Variants in UNC79 observed in about 807,000 individuals in gnomAD.
The protein encoded by UNC79 is unc-79 subunit of NALCN channel complex, also known as protein unc-79 homolog.
UNC79 carries 37 observed loss-of-function variants against 283.1 expected under a neutral mutation model. The observed-to-expected ratio is 0.13, with a 90% CI of 0.10 to 0.17. The LOEUF is 0.17. Ranked by LOEUF, UNC79 falls within the 10% of genes least tolerant of loss-of-function variation. UNC79 has a pLI of 1.00. For missense variants in UNC79, 2,272 were observed against 3,211.1 expected (o/e 0.71, Z 7.07); for synonymous variants, 1,107 against 1,200.2 (o/e 0.92, Z 1.61).
intron 1 of UNC79, among the ~76,000 whole-genome samples, chr14:93,340,849 G>A (rs2053693552): frequency 6.6e-6 from 1 of 152,240 alleles, no homozygotes; most frequent in Admixed American, 6.5e-5. Context: ...TGTGATTACA[G>A]GTGTGAGCCA....
chr14:93,358,334 C>T (rs748554024), intron 1 of UNC79, among the ~76,000 whole-genome samples: 7 of 152,150 alleles, frequency 4.6e-5, no homozygotes, highest in Non-Finnish European at 1.0e-4. Flanking sequence ...CCTAAGTTCA[C>T]TGGACAAAGT....
intron 1 of UNC79, among the ~76,000 whole-genome samples, chr14:93,446,254 T>G (rs1160390078): frequency 6.6e-6 from 1 of 152,224 alleles, no homozygotes; most frequent in Non-Finnish European, 1.5e-5. Flanking sequence ...TACAGGCACT[T>G]GAAAGCCGTG....
chr14:93,380,846 A>G (rs1218766978), intron 1 of UNC79, among the ~76,000 whole-genome samples: 1 of 152,248 alleles, frequency 6.6e-6, no homozygotes, highest in Non-Finnish European at 1.5e-5. Flanking sequence ...CACACTGCAG[A>G]GATATTCTGG....
At chr14:93,562,317 G>A (rs1214719978) in intron 14 of UNC79, among the ~76,000 whole-genome samples, 3 of 152,152 alleles carry the variant, frequency 2.0e-5, no homozygotes. Flanking sequence ...TCTGGAGTAG[G>A]CAAGAGAAGA....
At chr14:93,679,668 T>G (rs540581901) in intron 41 of UNC79, among the ~76,000 whole-genome samples, 48 of 152,324 alleles carry the variant, frequency 3.2e-4, no homozygotes, top group African/African-American at 1.1e-3. Context: ...TTATTAATAT[T>G]AGTTGAGTTC....
chr14:93,350,185 AAG>A, intron 1 of UNC79, among the ~76,000 whole-genome samples: 1 of 152,114 alleles, frequency 6.6e-6, no homozygotes, highest in East Asian at 1.9e-4. Flanking sequence ...TACTAAGAAT[AAG>A]AATTCTAGTT....
At chr14:93,642,935 G>A (rs774763458) in intron 33 of UNC79, among the ~76,000 whole-genome samples, 4 of 152,250 alleles carry the variant, frequency 2.6e-5, no homozygotes, top group Admixed American at 6.5e-5. Flanking sequence ...TACAAAGAGC[G>A]GTAGGTTGGA....
intron 14 of UNC79, among the ~76,000 whole-genome samples, chr14:93,545,234 T>A (rs1195193970): frequency 6.6e-6 from 1 of 152,222 alleles, no homozygotes. Flanking sequence ...CTCTTTACAA[T>A]CACCTGCATT....
At chr14:93,354,476 TC>T (rs1210866391) in intron 1 of UNC79, among the ~76,000 whole-genome samples, 3 of 152,188 alleles carry the variant, frequency 2.0e-5, no homozygotes, top group African/African-American at 7.2e-5. Context: ...AAATTCAAAA[TC>T]TGAAACACTT....
intron 2 of UNC79, among the ~76,000 whole-genome samples, chr14:93,472,770 A>G (rs57087216): frequency 0.029 from 4,483 of 152,208 alleles, 235 homozygotes; most frequent in African/African-American, 0.1. Flanking sequence ...TTAACTAAGA[A>G]CTTAGTAATG....
chr14:93,686,831 G>A (rs370825506), intron 43 of UNC79, among the ~76,000 whole-genome samples, 170 bp downstream of exon 46: 1 of 152,186 alleles, frequency 6.6e-6, no homozygotes, highest in East Asian at 1.9e-4. Context: ...TTGCAAAGAG[G>A]AAAAGAGGAA....
chr14:93,680,612 G>A (rs962547142), intron 41 of UNC79, among the ~76,000 whole-genome samples: 17 of 150,794 alleles, frequency 1.1e-4, no homozygotes, highest in African/African-American at 3.7e-4. Flanking sequence ...TTTATTTGAA[G>A]CAGAGTCTCA....
intron 1 of UNC79, 56 bp downstream of exon 1, chr14:93,431,107 C>T: frequency 1.7e-6 from 1 of 585,558 alleles, no homozygotes. Context: ...GCTATTGCAG[C>T]TGCGGCGTTT....
chr14:93,479,854 G>A (rs1174268540), intron 4 of UNC79, among the ~76,000 whole-genome samples: 12 of 152,090 alleles, frequency 7.9e-5, no homozygotes, highest in Admixed American at 7.2e-4. Context: ...GGCTGATCTG[G>A]AATTCCCAGC....
intron 1 of UNC79, among the ~76,000 whole-genome samples, chr14:93,437,236 G>GA (rs2056118424): frequency 6.6e-6 from 1 of 152,100 alleles, no homozygotes; most frequent in Non-Finnish European, 1.5e-5. Flanking sequence ...CTCCAGGAAA[G>GA]ACAGTTTAGA....
intron 1 of UNC79, among the ~76,000 whole-genome samples, chr14:93,341,519 C>T (rs1378001470): frequency 1.3e-5 from 2 of 150,594 alleles, no homozygotes; most frequent in Admixed American, 6.6e-5. Context: ...AATCCTAGCA[C>T]TTTCGGAGGC....
At chr14:93,587,650 C>A (rs1350611534) in intron 22 of UNC79, among the ~76,000 whole-genome samples, 1 of 152,054 alleles carries the variant, frequency 6.6e-6, no homozygotes, top group African/African-American at 2.4e-5. Flanking sequence ...GGGGGTGAAT[C>A]CTATATAGAG....
intron 14 of UNC79, among the ~76,000 whole-genome samples, chr14:93,558,588 C>A (rs1386222228): frequency 4.4e-5 from 4 of 89,960 alleles, no homozygotes; most frequent in Non-Finnish European, 4.2e-5. Flanking sequence ...AGGAGAGAAA[C>A]AGGGATTTTT....
chr14:93,686,629 A>G, exon 43 of UNC79: 4 of 1,614,166 alleles, frequency 2.5e-6, no homozygotes, highest in Non-Finnish European at 3.4e-6. Context: ...GCTGGATTTC[A>G]TGGCAGACAT....
Sources: gnomAD v4.1 joint callset for allele counts (sites outside exome capture counted in the v4.1 genomes callset) on GRCh38, gnomAD v4.1.1 for gene constraint, MANE v1.5 for transcripts, NCBI Gene and HGNC (gene_info 2026-07-23, HGNC 2026-07-21) for gene names.